GALNTL5: variants seen among roughly 807,000 people sequenced by gnomAD.
GALNTL5 encodes the protein polypeptide N-acetylgalactosaminyltransferase like 5, also known as inactive polypeptide N-acetylgalactosaminyltransferase-like protein 5.
Under a neutral mutation model 51.0 loss-of-function variants are expected in GALNTL5, and 44 were observed. The ratio of observed to expected loss-of-function variants is 0.86; its 90% confidence interval spans 0.68 to 1.11. The LOEUF is 1.11. Ranked by LOEUF, GALNTL5 falls within the 50% of genes least tolerant of loss-of-function variation. The pLI is 0.00. For missense variants in GALNTL5, 528 were observed against 531.8 expected (o/e 0.99, Z 0.07); for synonymous variants, 192 against 182.8 (o/e 1.05, Z -0.41).
At chr7:151,966,869 T>G (rs1321244286) in intron 1 of GALNTL5, among the ~76,000 whole-genome samples, 3 of 152,228 alleles carry the variant, frequency 2.0e-5, no homozygotes, top group African/African-American at 7.2e-5. Context: ...ATCAGATTTT[T>G]TAGAGATCCA....
intron 3 of GALNTL5, among the ~76,000 whole-genome samples, chr7:151,982,281 G>A (rs934871002): frequency 6.6e-6 from 1 of 152,066 alleles, no homozygotes; most frequent in Admixed American, 6.6e-5. Context: ...AGGCATGGTG[G>A]TGCATGCCTG....
At chr7:152,016,452 G>C (rs767617147) in intron 8 of GALNTL5, among the ~76,000 whole-genome samples, 2 of 151,784 alleles carry the variant, frequency 1.3e-5, no homozygotes, top group South Asian at 4.2e-4. Flanking sequence ...TGAGCAATAG[G>C]ATCTCTCAGC....
intron 1 of GALNTL5, among the ~76,000 whole-genome samples, chr7:151,959,751 A>T (rs1221092079): frequency 6.6e-6 from 1 of 152,068 alleles, no homozygotes. Context: ...TTGTAATGTG[A>T]CCCTACTTAT....
chr7:152,004,510 A>G (rs1563022627), intron 6 of GALNTL5, among the ~76,000 whole-genome samples: 1 of 152,118 alleles, frequency 6.6e-6, no homozygotes. Context: ...TTATATGGCT[A>G]TATTGCCTAG....
At chr7:151,987,016 C>T in intron 4 of GALNTL5, 143 bp from the exon 5 acceptor site, 1 of 621,184 alleles carries the variant, frequency 1.6e-6, no homozygotes, top group East Asian at 4.1e-5. Context: ...CATGAGACAC[C>T]ACACCTGGCC....
intron 1 of GALNTL5, among the ~76,000 whole-genome samples, chr7:151,962,229 C>T (rs1228867289): frequency 1.3e-5 from 2 of 151,914 alleles, no homozygotes; most frequent in Admixed American, 6.6e-5. Flanking sequence ...TCTTGAACTC[C>T]TGACCTCGTG....
intron 2 of GALNTL5, among the ~76,000 whole-genome samples, chr7:151,967,893 T>A (rs1423846185): frequency 2.0e-5 from 3 of 152,210 alleles, no homozygotes; most frequent in African/African-American, 7.2e-5. Context: ...TATTGTGTTC[T>A]ATATTTTTAA....
At chr7:151,965,827 C>T (rs1476268471) in intron 1 of GALNTL5, among the ~76,000 whole-genome samples, 1 of 152,074 alleles carries the variant, frequency 6.6e-6, no homozygotes. Flanking sequence ...ATCAAGGCTG[C>T]AGTGAGCCAT....
chr7:152,014,842 G>T, intron 8 of GALNTL5, 49 bp downstream of exon 8: 1 of 1,529,386 alleles, frequency 6.5e-7, no homozygotes, highest in Non-Finnish European at 8.8e-7. Context: ...GCCGGAGCAG[G>T]ACTTGTTCTG....
At chr7:151,975,716 C>G (rs995623660) in intron 3 of GALNTL5, among the ~76,000 whole-genome samples, 4 of 152,050 alleles carry the variant, frequency 2.6e-5, no homozygotes, top group Non-Finnish European at 5.9e-5. Context: ...AATTCCAAAA[C>G]TTAGTACTGC....
Position 152,014,734 on chromosome 7 carries a change from A to G in GALNTL5, c.1117A>G (p.Ile373Val). The G allele has an allele frequency of 6.2e-7, 1 of 1,614,036 alleles. No homozygotes were observed. The highest frequency in any genetic ancestry group is 8.5e-7 in the Non-Finnish European group (1 of 1,179,956). The change falls in exon 8 of 9, where the codon ATC becomes GTC. Residue 373 changes from isoleucine to valine, a missense_variant. Coordinates refer to ENST00000392800, the MANE Select transcript of GALNTL5 (RefSeq NM_145292.4). Reference sequence around the variant, plus strand: ...ACAAACTGGAAAACCTTCTACAATCATCAGTGCTATGACACATAACTACCT... The same window carrying G: ...ACAAACTGGAAAACCTTCTACAATCGTCAGTGCTATGACACATAACTACCT... ...KKQTGKPSTI[I>V]SAMTHNYLRL...
chr7:151,961,338 CAA>C (rs35782745), intron 1 of GALNTL5, among the ~76,000 whole-genome samples: 16 of 147,132 alleles, frequency 1.1e-4, no homozygotes, highest in African/African-American at 2.5e-4. Flanking sequence ...GCCAACTCTA[CAA>C]AAAAAAAAAT....
chr7:151,983,133 A>G lies in GALNTL5; in HGVS notation c.516A>G (p.Val172=), dbSNP rs751187784. The G allele has an allele frequency of 3.1e-6, 5 of 1,613,920 alleles. No homozygotes were observed. The South Asian group carries it at 3.3e-5, about 11-fold the overall frequency. ...ATTTTCTTGAAGAAATTATTTTGGT[A>G]GATGACATGAGCAAAGTTGGTAAGA... ...PHYFLEEIIL[V]DDMSKVDDLK... The change falls in exon 4 of 9, where the codon GTA becomes GTG. Residue 172 remains valine (V), a synonymous_variant. Coordinates refer to ENST00000392800, the MANE Select transcript of GALNTL5 (RefSeq NM_145292.4).
At chr7:151,988,909 A>G (rs2081394181) in intron 5 of GALNTL5, among the ~76,000 whole-genome samples, 1 of 151,936 alleles carries the variant, frequency 6.6e-6, no homozygotes, top group African/African-American at 2.4e-5. Flanking sequence ...CATGTTGGCC[A>G]GGCTGCTCTT....
chr7:151,976,890 A>T (rs2081213456), intron 3 of GALNTL5, among the ~76,000 whole-genome samples: 1 of 151,874 alleles, frequency 6.6e-6, no homozygotes, highest in Non-Finnish European at 1.5e-5. Flanking sequence ...CTGGTCTCGA[A>T]CTCCTGACCT....
chr7:152,009,113 TA>T (rs2081695392), intron 7 of GALNTL5, among the ~76,000 whole-genome samples: 1 of 152,214 alleles, frequency 6.6e-6, no homozygotes, highest in Admixed American at 6.5e-5. Context: ...TGTCTTTTTA[TA>T]AAGAAGTATG....
At chr7:151,970,578 C>T (rs1161374745) in intron 2 of GALNTL5, 1 of 194,016 alleles carries the variant, frequency 5.2e-6, no homozygotes, top group African/African-American at 2.4e-5. Flanking sequence ...CCTGGCATCC[C>T]CCGCTCCTTG....
At chr7:152,000,922 T>G (rs2081569191) in intron 5 of GALNTL5, among the ~76,000 whole-genome samples, 1 of 150,194 alleles carries the variant, frequency 6.7e-6, no homozygotes, top group Non-Finnish European at 1.5e-5. Context: ...TTTTTTTTTT[T>G]TTTGACAGAG....
Position 152,002,720 on chromosome 7 carries a change from T to C in GALNTL5, c.665T>C (p.Val222Ala), listed in dbSNP as rs140419914. ...CCTGTTCTTGCCTCCCCAGGGGATG[T>C]TCTGGTGTTCCTGGACAGCCACTGT... ...LIGASHASGDVLVFLDSHCEV... is the reference protein window; with the variant it reads ...LIGASHASGDALVFLDSHCEV... The change falls in exon 6 of 9, where the codon GTT (valine) becomes GCT (alanine). Residue 222 changes from valine (V) to alanine (A), a missense_variant. Physicochemically the swap from Val to Ala is moderately conservative, Grantham distance 64 (BLOSUM62 0). Coordinates refer to ENST00000392800, the MANE Select transcript of GALNTL5 (RefSeq NM_145292.4). 3.7e-6 allele frequency: 6 copies of C among 1,614,024 alleles called. No individual in the cohort carries two copies. The African/African-American group carries it at 8.0e-5, about 22-fold the overall frequency.
Sources: allele counts gnomAD v4.1 joint callset (sites outside exome capture counted in the v4.1 genomes callset), GRCh38; gene constraint gnomAD v4.1.1; transcripts MANE v1.5; gene names NCBI Gene and HGNC (gene_info 2026-07-23, HGNC 2026-07-21).